The following SLC14A2 variants were observed in gnomAD, a reference collection of about 807,000 sequenced individuals.
SLC14A2 encodes the protein urea transporter 2.
In SLC14A2, 91 loss-of-function variants were observed where a neutral mutation model predicts 104.6. The ratio of observed to expected loss-of-function variants is 0.87; its 90% CI spans 0.73 to 1.04. The LOEUF (loss-of-function observed/expected upper bound fraction) is 1.04. SLC14A2 is among the 50% of genes least tolerant of loss of function. The pLI, the probability that SLC14A2 is intolerant of heterozygous loss-of-function variation, is 0.00. For missense variants in SLC14A2, 1,189 were observed against 1,156.0 expected (o/e 1.03, Z -0.41); for synonymous variants, 476 against 466.4 (o/e 1.02, Z -0.27).
chr18:45,667,787 G>T, intron 13 of SLC14A2, 46 bp from the exon 14 acceptor site: 1 of 1,540,104 alleles, frequency 6.5e-7, no homozygotes, highest in Non-Finnish European at 9.0e-7. Context: ...ACCCAGGGCT[G>T]CCCACACTGA....
At chr18:45,389,647 G>T (rs1462445045) in intron 1 of SLC14A2, among the ~76,000 whole-genome samples, 1 of 152,150 alleles carries the variant, frequency 6.6e-6, no homozygotes, top group Non-Finnish European at 1.5e-5. Context: ...GAGCTAAAAG[G>T]TGCTTTATAT....
chr18:45,575,729 C>G (rs1275416066), intron 2 of SLC14A2, among the ~76,000 whole-genome samples: 1 of 151,982 alleles, frequency 6.6e-6, no homozygotes, highest in Non-Finnish European at 1.5e-5. Flanking sequence ...AAATATAAAT[C>G]AAAATAGTTG....
At position 45,357,067 on chromosome 18, in the gene SLC14A2, G is replaced by A. The variant is rs1398308669; in HGVS notation, c.-124-126166G>A. Reference sequence around the variant, plus strand: ...GGTTATATACATTCTAGAAGCATAGGGACTTTTATTGGGGATGTTGGAGAG... The same window carrying A: ...GGTTATATACATTCTAGAAGCATAGAGACTTTTATTGGGGATGTTGGAGAG... On this transcript the variant is annotated intron_variant, in intron 1 of 20. Coordinates refer to the SLC14A2 transcript ENST00000586448. Among the ~76,000 whole-genome samples the A allele has an allele frequency of 6.6e-5, 10 of 152,076 alleles. 1 individual carries two copies. Among genetic ancestry groups the A allele is most frequent in the Admixed American group, 6.6e-4 (10 of 15,262 alleles).
chr18:45,553,609 GA>G (rs1253565848), intron 2 of SLC14A2, among the ~76,000 whole-genome samples: 3 of 151,794 alleles, frequency 2.0e-5, no homozygotes, highest in East Asian at 3.8e-4. Context: ...CCTTTACTAA[GA>G]AAAAAAGGGG....
At chr18:45,373,516 C>T (rs932926910) in intron 1 of SLC14A2, among the ~76,000 whole-genome samples, 2 of 152,202 alleles carry the variant, frequency 1.3e-5, no homozygotes, top group African/African-American at 2.4e-5. Context: ...CACCTACATG[C>T]TCCCTCTGGA....
chr18:45,418,075 G>A (rs1445579204), intron 1 of SLC14A2, among the ~76,000 whole-genome samples: 1 of 152,146 alleles, frequency 6.6e-6, no homozygotes, highest in Non-Finnish European at 1.5e-5. Flanking sequence ...TTGTCTTTTT[G>A]TTGCTTTTCC....
chr18:45,423,625 C>A (rs955604008), intron 1 of SLC14A2: 3 of 152,078 alleles, frequency 2.0e-5, no homozygotes, highest in African/African-American at 7.2e-5. Flanking sequence ...CAAAGATGAC[C>A]TCTGAGCTGG....
intron 1 of SLC14A2, among the ~76,000 whole-genome samples, chr18:45,229,400 T>TA (rs2084152352): frequency 6.7e-6 from 1 of 150,140 alleles, no homozygotes; most frequent in African/African-American, 2.5e-5. Context: ...TCCCCGTAGG[T>TA]TTTTTGTTTG....
At chr18:45,357,816 C>T (rs2085570799) in intron 1 of SLC14A2, among the ~76,000 whole-genome samples, 1 of 152,148 alleles carries the variant, frequency 6.6e-6, no homozygotes, top group African/African-American at 2.4e-5. Context: ...GGCTCATTCC[C>T]TGCCACATCT....
At chr18:45,602,258 A>G (rs2044801586) in intron 2 of SLC14A2, among the ~76,000 whole-genome samples, 1 of 152,212 alleles carries the variant, frequency 6.6e-6, no homozygotes, top group Admixed American at 6.5e-5. Context: ...GTCAGTCCTT[A>G]ATGAAAATGT....
At position 45,673,807 on chromosome 18, in the gene SLC14A2, C is replaced by T. The variant is rs1263343013; in HGVS notation, c.2502C>T (p.Ala834=). 1 of 1,613,960 alleles carries T rather than the reference C, an allele frequency of 6.2e-7. No homozygotes were observed. Among genetic ancestry groups the T allele is most frequent in the African/African-American group, 1.3e-5 (1 of 74,942 alleles). ...YVITWQTHLL[A]IACALFAAYL... Reference sequence around the variant, plus strand: ...TCACCTGGCAGACGCACCTCCTCGCCATCGCCTGCGGTAGGTACTCCCCAC... The same window carrying T: ...TCACCTGGCAGACGCACCTCCTCGCTATCGCCTGCGGTAGGTACTCCCCAC... Residue 834 remains alanine, a synonymous_variant, in exon 18 of 20, where the codon GCC becomes GCT. Coordinates refer to ENST00000255226, the MANE Select transcript of SLC14A2 (RefSeq NM_007163.4).
At chr18:45,270,178 C>T (rs1446605156) in intron 1 of SLC14A2, among the ~76,000 whole-genome samples, 1 of 152,152 alleles carries the variant, frequency 6.6e-6, no homozygotes, top group East Asian at 1.9e-4. Context: ...CAGAGTTGGA[C>T]CCTACTTGCC....
At chr18:45,207,247 G>A in the SLC14A2 span, among the ~76,000 whole-genome samples, 16 of 151,524 alleles carry the variant, frequency 1.1e-4, no homozygotes, top group African/African-American at 3.2e-4. Flanking sequence ...ATAGATTCTT[G>A]TTGGAGGAAA....
the SLC14A2 span, among the ~76,000 whole-genome samples, chr18:45,193,620 A>T: frequency 6.6e-6 from 1 of 152,284 alleles, no homozygotes; most frequent in Middle Eastern, 3.4e-3. Flanking sequence ...CTGTAGCTTT[A>T]TAATATACCT....
chr18:45,276,892 T>C (rs1032205034), intron 1 of SLC14A2, among the ~76,000 whole-genome samples: 3 of 152,228 alleles, frequency 2.0e-5, no homozygotes, highest in African/African-American at 7.2e-5. Context: ...CCACTTTGCT[T>C]TAATTGCTTG....
At chr18:45,331,559 C>T (rs924686264) in intron 1 of SLC14A2, among the ~76,000 whole-genome samples, 1 of 151,852 alleles carries the variant, frequency 6.6e-6, no homozygotes, top group African/African-American at 2.4e-5. Context: ...GGCGTGGTGG[C>T]GGACACCTGT....
chr18:45,484,696 G>T (rs891929620), intron 2 of SLC14A2, among the ~76,000 whole-genome samples: 3 of 152,140 alleles, frequency 2.0e-5, no homozygotes, highest in South Asian at 2.1e-4. Flanking sequence ...ACTCACTGGG[G>T]TTTCAAGATA....
intron 1 of SLC14A2, among the ~76,000 whole-genome samples, chr18:45,620,352 G>A (rs900148098): frequency 1.3e-5 from 2 of 152,244 alleles, no homozygotes; most frequent in Non-Finnish European, 2.9e-5. Flanking sequence ...TCCTGCAAAT[G>A]TCACAATGAG....
chr18:45,409,090 C>G (rs1055526383), intron 1 of SLC14A2, among the ~76,000 whole-genome samples: 4 of 152,122 alleles, frequency 2.6e-5, no homozygotes, highest in Admixed American at 1.3e-4. Flanking sequence ...TTGCAGCCCC[C>G]CAAGGAGAAG....
Sources: gnomAD v4.1 joint callset for allele counts (sites outside exome capture counted in the v4.1 genomes callset) on GRCh38, gnomAD v4.1.1 for gene constraint, MANE v1.5 for transcripts, NCBI Gene and HGNC (gene_info 2026-07-23, HGNC 2026-07-21) for gene names.